PIGQ: variants seen among roughly 807,000 people sequenced by gnomAD.
PIGQ encodes the protein phosphatidylinositol glycan anchor biosynthesis class Q.
PIGQ carries 54 observed loss-of-function variants against 60.3 expected under a neutral mutation model. The observed-to-expected ratio is 0.90, with a 90% CI of 0.72 to 1.12. The LOEUF (loss-of-function observed/expected upper bound fraction) is 1.12. PIGQ is among the 50% of genes most tolerant of loss of function. The pLI is 0.00. For missense variants in PIGQ, 799 were observed against 793.5 expected (o/e 1.01, Z -0.08); for synonymous variants, 416 against 363.7 (o/e 1.14, Z -1.64).
In PIGQ at chr16:574,719, G is replaced by C. The variant is rs1050530632; in HGVS notation, c.645G>C (p.Leu215=). 2 of 1,590,210 alleles carry C rather than the reference G, an allele frequency of 1.3e-6. No homozygotes were observed. Among genetic ancestry groups the C allele is most frequent in the Non-Finnish European group, 1.7e-6 (2 of 1,172,822 alleles). Residue 215 remains leucine, a synonymous_variant, in exon 2 of 11, where the codon CTG becomes CTC. Transcript: ENST00000321878. ...GAGCCTCGGGACCCATTTGCCTGCT[G>C]TTGGCCAGCCTGCTGTCGCTGGTCT... The part of the protein sequence containing the change: ...ARRASGPICL[L]LASLLSLVSA...
intron 10 of PIGQ, 60 bp from the exon 11 acceptor site, chr16:582,823 T>G: frequency 6.8e-7 from 1 of 1,464,130 alleles, no homozygotes; most frequent in Non-Finnish European, 9.3e-7. Flanking sequence ...CCCCACCCTC[T>G]CTCTGCAGAC....
intron 9 of PIGQ, chr16:581,337 A>G (rs1010962908): frequency 2.1e-5 from 26 of 1,235,362 alleles, no homozygotes; most frequent in Non-Finnish European, 2.6e-5. Context: ...GGCGGCCACC[A>G]TCCAGTAAGT....
chr16:573,924 C>T (rs1596382082), intron 1 of PIGQ, 142 bp from the exon 2 acceptor site: 9 of 616,510 alleles, frequency 1.5e-5, no homozygotes, highest in South Asian at 4.0e-5. Context: ...AGCCCTACGG[C>T]GTCCACCACC....
chr16:575,226 G>C (rs1335465089), intron 2 of PIGQ, among the ~76,000 whole-genome samples: 1 of 152,226 alleles, frequency 6.6e-6, no homozygotes, highest in South Asian at 2.1e-4. Context: ...GTGCCTGGGG[G>C]AGTGGTCTAC....
intron 6 of PIGQ, 60 bp downstream of exon 6, chr16:578,998 C>T (rs1370345893): frequency 4.3e-5 from 11 of 258,166 alleles, no homozygotes; most frequent in African/African-American, 3.6e-4. Flanking sequence ...TCCGGCTGGG[C>T]GGGCGTTCGA....
Position 578,796 on chromosome 16 carries a change from C to T in PIGQ, c.1081C>T (p.Leu361Phe), listed in dbSNP as rs1055961071. 26 of 1,613,508 alleles carry T rather than the reference C, an allele frequency of 1.6e-5. No individual in the cohort carries two copies. The highest frequency in any genetic ancestry group is 2.1e-5 in the Non-Finnish European group (25 of 1,179,882). The change falls in exon 6 of 11, where the codon CTC becomes TTC. Residue 361 changes from leucine (L) to phenylalanine (F), a missense_variant. Physicochemically the swap from Leu to Phe is conservative, Grantham distance 22 (BLOSUM62 0). Coordinates refer to ENST00000321878, the MANE Select transcript of PIGQ (RefSeq NM_004204.5). ...HIHLWISYIHLMSPFVEHILW... is the reference protein window; with the variant it reads ...HIHLWISYIHFMSPFVEHILW... ...CCCCACCCTGCCAGGCTACATCCAC[C>T]TCATGTCCCCCTTCGTGGAGCACAT... is the stretch of plus-strand genomic sequence containing the variant.
intron 9 of PIGQ, 72 bp from the exon 10 acceptor site, chr16:582,175 TA>T: frequency 9.1e-7 from 1 of 1,095,626 alleles, no homozygotes; most frequent in Non-Finnish European, 1.4e-6. Flanking sequence ...GAGAGGAAGG[TA>T]CCTGCAGCCT....
intron 5 of PIGQ, 84 bp from the exon 6 acceptor site, chr16:578,701 C>T (rs2035760844): frequency 2.0e-6 from 3 of 1,531,600 alleles, no homozygotes; most frequent in East Asian, 2.3e-5. Context: ...GCTACACGCA[C>T]CTCATGTCCT....
intron 4 of PIGQ, 121 bp from the exon 5 acceptor site, chr16:578,258 G>A (rs1245101033): frequency 1.6e-5 from 16 of 1,010,146 alleles, no homozygotes; most frequent in African/African-American, 6.4e-5. Context: ...ACGCTAGGAC[G>A]CGGTAGACCC....
At chr16:582,110 GGGGCGGGGA>G in intron 9 of PIGQ, 129 bp from the exon 10 acceptor site, 1 of 717,106 alleles carries the variant, frequency 1.4e-6, no homozygotes, top group South Asian at 1.5e-5. Flanking sequence ...GGCGACGGAG[GGGGCGGGGA>G]GAGCTTCGTG....
chr16:579,112 C>T lies in PIGQ; in HGVS notation c.1267C>T (p.Leu423=). The T allele has an allele frequency of 2.5e-6, 4 of 1,613,016 alleles. No individual in the cohort carries two copies. Among genetic ancestry groups the T allele is most frequent in the Non-Finnish European group, 3.4e-6 (4 of 1,179,806 alleles). The part of the protein sequence containing the change: ...KIHGLSSLWR[L]FRGKKWNVLR... ...CCATGGCCTGTCCTCACTGTGGCGTCTGTTCCGGGGGAAGAAGTGGAACGT... is the reference window on the plus strand; with the variant it reads ...CCATGGCCTGTCCTCACTGTGGCGTTTGTTCCGGGGGAAGAAGTGGAACGT... Residue 423 remains leucine (L), a synonymous_variant, in exon 7 of 11, where the codon CTG becomes TTG. Coordinates refer to ENST00000321878, the MANE Select transcript of PIGQ (RefSeq NM_004204.5).
At chr16:577,402 C>T (rs1020726999) in intron 4 of PIGQ, among the ~76,000 whole-genome samples, 1 of 151,800 alleles carries the variant, frequency 6.6e-6, no homozygotes, top group Non-Finnish European at 1.5e-5. Flanking sequence ...ACAGTGAAAT[C>T]CCGTCTCTAC....
chr16:581,156 C>G, intron 9 of PIGQ, 184 bp downstream of exon 9: 1 of 1,462,312 alleles, frequency 6.8e-7, no homozygotes, highest in South Asian at 1.4e-5. Flanking sequence ...CCAGCTGCCT[C>G]CAGGGAGGTG....
chr16:580,757 G>A, intron 8 of PIGQ, 101 bp from the exon 9 acceptor site: 1 of 738,322 alleles, frequency 1.4e-6, no homozygotes. Flanking sequence ...CCAGGACCCT[G>A]CAGCCTCTGG....
chr16:574,326 G>T lies in PIGQ; in HGVS notation c.252G>T (p.Leu84=). The T allele has an allele frequency of 1.2e-6, 2 of 1,607,990 alleles. No homozygotes were observed. Among genetic ancestry groups the T allele is most frequent in the South Asian group, 2.2e-5 (2 of 90,806 alleles). ...GCCTGGGCCGCTTCCTGGAGAGCCT[G>T]GGTGCTGTCTTCCCCCATGAGCCCT... ...EESLGRFLES[L]GAVFPHEPWL... is the part of the protein sequence containing the mutation. The change falls in exon 2 of 11, where the codon CTG becomes CTT. Residue 84 remains leucine (L), a synonymous_variant. Transcript: ENST00000321878.
At chr16:582,046 G>A (rs1341384627) in intron 9 of PIGQ, 14 of 662,252 alleles carry the variant, frequency 2.1e-5, no homozygotes, top group East Asian at 5.7e-5. Context: ...GTGAGCCACC[G>A]TGCCTGGCTG....
chr16:580,148 C>T, intron 7 of PIGQ, 35 bp from the exon 8 acceptor site: 3 of 1,571,566 alleles, frequency 1.9e-6, no homozygotes, highest in Non-Finnish European at 2.6e-6. Context: ...GCGCGGGGTC[C>T]TGCTGATGCC....
rs536084842 is a variant in PIGQ at position 571,674 on chromosome 16, G to A, written c.-10+1578G>A. ...AAAGATGCTCACGTTGCTTTCTCCCGTCCCATACCTCCTCTGCTATCGATC... is the reference window on the plus strand; with the variant it reads ...AAAGATGCTCACGTTGCTTTCTCCCATCCCATACCTCCTCTGCTATCGATC... On this transcript the variant is annotated intron_variant, in intron 1 of 10. Coordinates refer to ENST00000321878, the MANE Select transcript of PIGQ (RefSeq NM_004204.5). 6.0e-5 allele frequency among the ~76,000 whole-genome samples: 9 copies of A among 150,890 alleles called. No homozygotes were observed. In the South Asian group the frequency reaches 1.0e-3, roughly 18 times the overall value.
chr16:582,672 G>T, intron 10 of PIGQ: 2 of 631,978 alleles, frequency 3.2e-6, no homozygotes, highest in East Asian at 2.7e-5. Context: ...GGGCAGCCCC[G>T]AGGGGAGATG....
Sources: allele counts gnomAD v4.1 joint callset (sites outside exome capture counted in the v4.1 genomes callset), GRCh38; gene constraint gnomAD v4.1.1; transcripts MANE v1.5; gene names NCBI Gene and HGNC (gene_info 2026-07-23, HGNC 2026-07-21).